The following SBF2 variants were observed in gnomAD, a reference collection of about 807,000 sequenced individuals.
SBF2 encodes the protein myotubularin-related protein 13.
In SBF2, 112 loss-of-function variants were observed where a neutral mutation model predicts 225.2. The ratio of observed to expected loss-of-function variants is 0.50; its 90% CI spans 0.43 to 0.58. The LOEUF (loss-of-function observed/expected upper bound fraction) is 0.58. Ranked by LOEUF, SBF2 falls within the 20% of genes least tolerant of loss-of-function variation. The probability of loss-of-function intolerance (pLI) is 0.00; values close to 1 mark genes in which losing one functional copy is unlikely to be tolerated. For missense variants in SBF2, 1,996 were observed against 2,206.2 expected (o/e 0.90, Z 1.91); for synonymous variants, 763 against 773.3 (o/e 0.99, Z 0.22).
intron 14 of SBF2, among the ~76,000 whole-genome samples, chr11:9,965,714 A>T (rs912630200): frequency 6.6e-6 from 1 of 152,218 alleles, no homozygotes; most frequent in Non-Finnish European, 1.5e-5. Flanking sequence ...CTTTATTAGG[A>T]TCAGGAAAAC....
At chr11:10,246,307 T>TGAGTTTCACTCTTGTCACC (rs1289254334) in intron 1 of SBF2, among the ~76,000 whole-genome samples, 3 of 152,198 alleles carry the variant, frequency 2.0e-5, no homozygotes, top group Non-Finnish European at 2.9e-5. Context: ...TTTTTGAGAC[T>TGAGTTTCACTCTTGTCACC]GAGTTTCACT....
chr11:10,192,083 C>T (rs1289723458), intron 2 of SBF2, among the ~76,000 whole-genome samples: 3 of 152,098 alleles, frequency 2.0e-5, no homozygotes, highest in Non-Finnish European at 4.4e-5. Context: ...AAAAATTTCC[C>T]CTCAATCACA....
At chr11:10,245,223 A>G (rs56035322) in intron 1 of SBF2, among the ~76,000 whole-genome samples, 29,741 of 151,754 alleles carry the variant, frequency 0.2, 3,096 homozygotes, top group Middle Eastern at 0.26. Context: ...TATATGAAAA[A>G]GTGGAAAACA....
chr11:9,822,744 C>T (rs541095288), intron 28 of SBF2, among the ~76,000 whole-genome samples: 9 of 152,156 alleles, frequency 5.9e-5, no homozygotes, highest in South Asian at 2.1e-4. Flanking sequence ...TCTGTTCTGA[C>T]GAAAGGGGAG....
At chr11:10,300,614 G>A (rs986058197) in intron 1 of SBF2, among the ~76,000 whole-genome samples, 2 of 151,924 alleles carry the variant, frequency 1.3e-5, no homozygotes, top group African/African-American at 4.8e-5. Flanking sequence ...GTAGCATGAT[G>A]GTTGCTTTCA....
intron 13 of SBF2, among the ~76,000 whole-genome samples, chr11:9,980,314 T>A (rs1022226727): frequency 2.7e-5 from 3 of 112,448 alleles, no homozygotes; most frequent in African/African-American, 1.1e-4. Context: ...AAAAAAAAAA[T>A]TTGTAGAGAT....
At chr11:9,870,001 G>GTC (rs1858588354) in intron 17 of SBF2, among the ~76,000 whole-genome samples, 1 of 152,120 alleles carries the variant, frequency 6.6e-6, no homozygotes, top group Admixed American at 6.5e-5. Context: ...CAACTTCAGC[G>GTC]AAGTCTCAGC....
chr11:10,267,835 T>C (rs1443240172), intron 1 of SBF2, among the ~76,000 whole-genome samples: 3 of 152,176 alleles, frequency 2.0e-5, no homozygotes, highest in Non-Finnish European at 4.4e-5. Flanking sequence ...TTTTTAGTAA[T>C]ATAGTAATTT....
intron 1 of SBF2, among the ~76,000 whole-genome samples, chr11:10,290,257 AG>A (rs1406216431): frequency 6.6e-6 from 1 of 151,980 alleles, no homozygotes; most frequent in Non-Finnish European, 1.5e-5. Flanking sequence ...CAAGAGAGCT[AG>A]GGAAGGAGTC....
intron 2 of SBF2, among the ~76,000 whole-genome samples, chr11:10,108,537 T>TTTTTTTTTC (rs1166127948): frequency 2.1e-5 from 3 of 145,282 alleles, no homozygotes; most frequent in Non-Finnish European, 4.5e-5. Context: ...TTTTTTTTTT[T>TTTTTTTTTC]TTTTTGAGAC....
intron 19 of SBF2, among the ~76,000 whole-genome samples, chr11:9,854,553 A>G (rs1179531244): frequency 1.3e-5 from 2 of 152,176 alleles, no homozygotes; most frequent in Non-Finnish European, 2.9e-5. Flanking sequence ...TTGAGAGAGC[A>G]CTGTCATCTA....
intron 16 of SBF2, among the ~76,000 whole-genome samples, chr11:9,900,519 G>A (rs1219073236): frequency 6.6e-6 from 1 of 152,066 alleles, no homozygotes; most frequent in Non-Finnish European, 1.5e-5. Flanking sequence ...TCTAACCCTA[G>A]CCAATAGGGG....
chr11:10,180,248 T>G (rs1049613090), intron 2 of SBF2, among the ~76,000 whole-genome samples: 1 of 152,174 alleles, frequency 6.6e-6, no homozygotes, highest in East Asian at 1.9e-4. Context: ...CCCTTTATCA[T>G]TTCTTGTAAG....
chr11:10,284,389 C>T (rs1420950858), intron 1 of SBF2, among the ~76,000 whole-genome samples: 1 of 152,098 alleles, frequency 6.6e-6, no homozygotes, highest in Non-Finnish European at 1.5e-5. Context: ...CTCCCAATTA[C>T]CCTTTTATAA....
At chr11:10,142,886 A>T (rs570757651) in intron 2 of SBF2, among the ~76,000 whole-genome samples, 1 of 152,308 alleles carries the variant, frequency 6.6e-6, no homozygotes, top group South Asian at 2.1e-4. Flanking sequence ...GTAACTTGAG[A>T]TGTCTCCAAA....
chr11:10,259,706 T>C (rs1458415211), intron 1 of SBF2, among the ~76,000 whole-genome samples: 2 of 152,290 alleles, frequency 1.3e-5, no homozygotes, highest in Middle Eastern at 3.4e-3. Flanking sequence ...AGATATACCT[T>C]ATCTAAAGCA....
chr11:10,138,514 C>T (rs564514411), intron 2 of SBF2, among the ~76,000 whole-genome samples: 119 of 149,798 alleles, frequency 7.9e-4, no homozygotes, highest in African/African-American at 2.7e-3. Flanking sequence ...CTATTCTGAG[C>T]TTCTTTTCCT....
At position 10,028,482 on chromosome 11, in the gene SBF2, T is replaced by C; in HGVS notation, c.589A>G (p.Thr197Ala). 4.3e-6 allele frequency: 7 copies of C among 1,613,436 alleles called. No individual in the cohort carries two copies. Among genetic ancestry groups the C allele is most frequent in the Non-Finnish European group, 5.9e-6 (7 of 1,179,436 alleles). Residue 197 changes from threonine to alanine, a missense_variant, in exon 6 of 40, where the codon ACT (threonine) becomes GCT (alanine). Physicochemically the swap from Thr to Ala is moderately conservative, Grantham distance 58 (BLOSUM62 0). Coordinates refer to ENST00000256190, the MANE Select transcript of SBF2 (RefSeq NM_030962.4). ...TGCTGGAACAGGAGAGCCACACTAGTGCCCGTGATAGGAAGACTATCATGT... is the reference window on the plus strand; with the variant it reads ...TGCTGGAACAGGAGAGCCACACTAGCGCCCGTGATAGGAAGACTATCATGT... ...PLHDSLPITG[T>A]SVALLFQQLG...
intron 7 of SBF2, among the ~76,000 whole-genome samples, chr11:10,002,285 C>T (rs542323296): frequency 6.6e-6 from 1 of 152,228 alleles, no homozygotes; most frequent in African/African-American, 2.4e-5. Context: ...TATCAAATAG[C>T]ATTGACTAGA....
Sources: gnomAD v4.1 joint callset for allele counts (sites outside exome capture counted in the v4.1 genomes callset) on GRCh38, gnomAD v4.1.1 for gene constraint, MANE v1.5 for transcripts, NCBI Gene and HGNC (gene_info 2026-07-23, HGNC 2026-07-21) for gene names.